ATRNL1: variants seen among roughly 807,000 people sequenced by gnomAD.
ATRNL1 encodes the protein attractin-like protein 1.
Under a neutral mutation model 182.7 loss-of-function variants are expected in ATRNL1, and 95 were observed. That is an observed-to-expected ratio of 0.52 (90% confidence interval 0.44 to 0.62). The LOEUF (loss-of-function observed/expected upper bound fraction) is 0.62, where lower values mean the gene tolerates loss of function less well. Ranked by LOEUF, ATRNL1 falls within the 20% of genes least tolerant of loss-of-function variation. The probability of loss-of-function intolerance (pLI) is 0.00; values close to 1 mark genes in which losing one functional copy is unlikely to be tolerated. For missense variants in ATRNL1, 1,471 were observed against 1,679.5 expected, an observed-to-expected ratio of 0.88 and a Z score of 2.17; for synonymous variants, 576 against 568.3, an observed-to-expected ratio of 1.01 and a Z score of -0.19.
At chr10:115,804,320 C>T (rs976210700) in intron 27 of ATRNL1, among the ~76,000 whole-genome samples, 14 of 151,914 alleles carry the variant, frequency 9.2e-5, no homozygotes, top group Non-Finnish European at 1.9e-4. Context: ...TGTTTGTGTC[C>T]CTTTACAGTG....
chr10:115,840,872 G>C (rs1950790953), intron 27 of ATRNL1, among the ~76,000 whole-genome samples: 1 of 152,110 alleles, frequency 6.6e-6, no homozygotes, highest in East Asian at 1.9e-4. Context: ...CTGGGCATGA[G>C]CAAGATGGGA....
chr10:115,517,433 A>G (rs531434335), intron 24 of ATRNL1, among the ~76,000 whole-genome samples: 1 of 151,916 alleles, frequency 6.6e-6, no homozygotes, highest in Non-Finnish European at 1.5e-5. Flanking sequence ...GTTTTCTGCT[A>G]AAAACGTAAA....
chr10:115,887,292 A>T (rs1040362078), intron 28 of ATRNL1, among the ~76,000 whole-genome samples: 11 of 145,068 alleles, frequency 7.6e-5, no homozygotes, highest in Admixed American at 2.0e-4. Context: ...AGCTGCTATT[A>T]CAAAATATTA....
At chr10:115,633,287 C>T (rs1456992309) in intron 26 of ATRNL1, among the ~76,000 whole-genome samples, 2 of 152,108 alleles carry the variant, frequency 1.3e-5, no homozygotes, top group Non-Finnish European at 2.9e-5. Context: ...ATGGGATAAC[C>T]ACTTCTATCT....
Position 115,093,561 on chromosome 10 carries a change from G to A in ATRNL1, c.-190G>A. The A allele has an allele frequency of 1.4e-6, 1 of 710,098 alleles. No individual in the cohort carries two copies. Among genetic ancestry groups the A allele is most frequent in the South Asian group, 1.5e-5 (1 of 66,726 alleles). 44.0% of individuals were successfully genotyped at this position (710,098 alleles called of 1,614,324 possible). On this transcript the variant is annotated 5_prime_UTR_variant, in exon 1 of 29. It introduces an in-frame stop codon into an upstream open reading frame of the 5' UTR. Transcript: ENST00000355044. The surrounding 1 kb of genome is among the most constrained non-coding windows in gnomAD (Gnocchi z 6.1). ...TGGGTGGCGATGCCCGAGTGCGACT[G>A]GAGGCAGCCGAGCGGAGGCGACGGC...
chr10:115,548,029 C>T lies in ATRNL1; in HGVS notation c.3717-1429C>T, dbSNP rs372244503. Among the ~76,000 whole-genome samples, 40 of 152,222 alleles carry T rather than the reference C, an allele frequency of 2.6e-4. 1 individual carries two copies. The South Asian group carries it at 8.1e-3, about 31-fold the overall frequency. The stretch of plus-strand genomic sequence containing the variant: ...GATTATGGGATGGATAGTGGGCACA[C>T]TTAGAGCTGCCAGCATATGGAAAGG... On this transcript the variant is annotated intron_variant, in intron 25 of 28. Transcript: ENST00000355044.
At chr10:115,242,677 A>G (rs1226417014) in intron 10 of ATRNL1, among the ~76,000 whole-genome samples, 1 of 152,066 alleles carries the variant, frequency 6.6e-6, no homozygotes, top group Non-Finnish European at 1.5e-5. Context: ...AGAATCATGT[A>G]AAGAAAACTC....
intron 20 of ATRNL1, among the ~76,000 whole-genome samples, chr10:115,420,594 A>G (rs1319280426): frequency 5.3e-5 from 8 of 152,182 alleles, no homozygotes; most frequent in Admixed American, 4.6e-4. Flanking sequence ...ATAATCACCT[A>G]TTTGAAAAAG....
intron 21 of ATRNL1, among the ~76,000 whole-genome samples, chr10:115,449,014 A>G (rs1185250278): frequency 6.6e-6 from 1 of 152,184 alleles, no homozygotes; most frequent in Non-Finnish European, 1.5e-5. Flanking sequence ...ATATTATTCT[A>G]TGATACTCAT....
At chr10:115,568,544 A>G (rs889544982) in intron 26 of ATRNL1, among the ~76,000 whole-genome samples, 2 of 152,046 alleles carry the variant, frequency 1.3e-5, no homozygotes, top group East Asian at 1.9e-4. Flanking sequence ...TGTCTTTGCC[A>G]GAATTTAGAT....
intron 27 of ATRNL1, among the ~76,000 whole-genome samples, chr10:115,843,872 T>C (rs1458892977): frequency 1.3e-5 from 2 of 152,078 alleles, no homozygotes; most frequent in African/African-American, 4.8e-5. Context: ...AAGTTAAGCA[T>C]ACAAGCTCAG....
intron 9 of ATRNL1, among the ~76,000 whole-genome samples, chr10:115,227,608 T>C (rs1280763083): frequency 2.0e-5 from 3 of 152,154 alleles, no homozygotes; most frequent in Non-Finnish European, 4.4e-5. Context: ...CAAAGAGACA[T>C]AGGCACTTGT....
chr10:115,547,215 A>G (rs1852707098), intron 25 of ATRNL1, among the ~76,000 whole-genome samples: 1 of 151,246 alleles, frequency 6.6e-6, no homozygotes, highest in South Asian at 2.1e-4. Context: ...AGATTGTGCC[A>G]CTACACTTCA....
chr10:115,255,606 T>C (rs1554906580), intron 10 of ATRNL1, among the ~76,000 whole-genome samples: 1 of 152,198 alleles, frequency 6.6e-6, no homozygotes, highest in East Asian at 1.9e-4. Flanking sequence ...GACTTCCTCA[T>C]TTCCTAATTG....
At chr10:115,410,675 G>GA (rs1420885226) in intron 20 of ATRNL1, among the ~76,000 whole-genome samples, 1 of 151,712 alleles carries the variant, frequency 6.6e-6, no homozygotes, top group Non-Finnish European at 1.5e-5. Flanking sequence ...TTTCTTTAGG[G>GA]AAAAAAAGAG....
intron 24 of ATRNL1, among the ~76,000 whole-genome samples, chr10:115,479,569 C>G (rs1038236039): frequency 6.6e-6 from 1 of 151,260 alleles, no homozygotes; most frequent in African/African-American, 2.4e-5. Context: ...TTTAAATATC[C>G]TTAAGATCCT....
chr10:115,790,667 A>T (rs1372870985), intron 27 of ATRNL1, among the ~76,000 whole-genome samples: 1 of 151,820 alleles, frequency 6.6e-6, no homozygotes, highest in Non-Finnish European at 1.5e-5. Context: ...AACTGAATAT[A>T]TTGGTGTCAG....
At chr10:115,473,242 G>A (rs1218727561) in intron 24 of ATRNL1, among the ~76,000 whole-genome samples, 1 of 151,146 alleles carries the variant, frequency 6.6e-6, no homozygotes, top group East Asian at 1.9e-4. Flanking sequence ...ATCAAATGTG[G>A]TTGGCTAGCA....
At chr10:115,773,814 C>T (rs78747433) in intron 27 of ATRNL1, among the ~76,000 whole-genome samples, 4,651 of 152,164 alleles carry the variant, frequency 0.031, 254 homozygotes, top group African/African-American at 0.1. Context: ...AATATTAATA[C>T]CAAAAATTCA....
Sources: gnomAD v4.1 joint callset for allele counts (sites outside exome capture counted in the v4.1 genomes callset) on GRCh38, gnomAD v4.1.1 for gene constraint, Gnocchi (gnomAD v3.1) non-coding constraint, MANE v1.5 for transcripts, NCBI Gene and HGNC (gene_info 2026-07-23, HGNC 2026-07-21) for gene names.